Variants in TFB1M observed in about 807,000 individuals in gnomAD.
TFB1M encodes the protein dimethyladenosine transferase 1, mitochondrial.
Under a neutral mutation model 31.1 loss-of-function variants are expected in TFB1M, and 27 were observed. The observed-to-expected ratio is 0.87, with a 90% confidence interval of 0.64 to 1.20. The LOEUF (loss-of-function observed/expected upper bound fraction) is 1.20. Ranked by LOEUF, TFB1M falls within the 50% of genes most tolerant of loss-of-function variation. The probability of loss-of-function intolerance (pLI) is 0.00; values close to 1 mark genes in which losing one functional copy is unlikely to be tolerated. For synonymous variants in TFB1M, 166 were observed against 151.8 expected, an observed-to-expected ratio of 1.09 and a Z score of -0.69; for missense variants, 394 against 418.7, an observed-to-expected ratio of 0.94 and a Z score of 0.51.
At chr6:155,276,340 C>G (rs149570827) in intron 5 of TFB1M, 1 of 1,613,290 alleles carries the variant, frequency 6.2e-7, no homozygotes, top group Non-Finnish European at 8.5e-7. Context: ...ACACACAGCT[C>G]GAGAACAATT....
intron 4 of TFB1M, among the ~76,000 whole-genome samples, chr6:155,285,657 T>C (rs1352253074): frequency 6.6e-6 from 1 of 152,236 alleles, no homozygotes; most frequent in Non-Finnish European, 1.5e-5. Flanking sequence ...GCTTAAACAC[T>C]TAATTTTCTG....
chr6:155,312,526 C>T (rs529308149), intron 1 of TFB1M, among the ~76,000 whole-genome samples: 1 of 152,300 alleles, frequency 6.6e-6, no homozygotes, highest in African/African-American at 2.4e-5. Context: ...TAATACTCTC[C>T]TTCTTTAAAA....
At chr6:155,306,414 G>C (rs1777768257) in intron 2 of TFB1M, among the ~76,000 whole-genome samples, 1 of 152,158 alleles carries the variant, frequency 6.6e-6, no homozygotes, top group African/African-American at 2.4e-5. Flanking sequence ...ACAAACACTT[G>C]CATATGAATG....
At chr6:155,244,603 G>A in the TFB1M span, 1 of 1,584,176 alleles carries the variant, frequency 6.3e-7, no homozygotes, top group Admixed American at 1.8e-5. Flanking sequence ...GAGTTAGCGT[G>A]GTGTCCTGAA....
At chr6:155,300,676 T>C (rs1222017346) in intron 2 of TFB1M, among the ~76,000 whole-genome samples, 1 of 152,240 alleles carries the variant, frequency 6.6e-6, no homozygotes, top group African/African-American at 2.4e-5. Flanking sequence ...AATGTAAATT[T>C]GGCTGTTTGA....
At position 155,285,051 on chromosome 6, in the gene TFB1M, T is replaced by G. The variant is rs878860448; in HGVS notation, c.666+107A>C. On this transcript the variant is annotated intron_variant, in intron 5 of 6. Coordinates refer to ENST00000367166, the MANE Select transcript of TFB1M (RefSeq NM_016020.4). ...TTCAGAAGTAAAGTACAGTGTCAGT[T>G]TGCACATAAACAAAGGTTAGATCCT... 9.8e-6 allele frequency: 14 copies of G among 1,422,788 alleles called. 1 individual carries two copies. In the South Asian group the frequency reaches 1.5e-4, roughly 15 times the overall value. The allele number at this position is 1,422,788 out of a possible 1,614,324, so 88.1% of individuals were successfully genotyped here.
chr6:155,284,851 C>T (rs1415426317), intron 5 of TFB1M, among the ~76,000 whole-genome samples: 1 of 152,004 alleles, frequency 6.6e-6, no homozygotes. Context: ...ATTGGGTGAC[C>T]GTGTAACTTA....
intron 2 of TFB1M, among the ~76,000 whole-genome samples, chr6:155,300,696 AATTTG>A (rs1390203107): frequency 2.0e-5 from 3 of 152,230 alleles, no homozygotes; most frequent in Non-Finnish European, 2.9e-5. Context: ...ACGTTAACTT[AATTTG>A]AAGTGTTAAC....
chr6:155,300,604 C>G (rs1420299953), intron 2 of TFB1M, among the ~76,000 whole-genome samples: 1 of 152,132 alleles, frequency 6.6e-6, no homozygotes, highest in Admixed American at 6.5e-5. Context: ...GCTTAAGTCT[C>G]ATGATGTCAA....
At chr6:155,236,252 C>T in the TFB1M span, among the ~76,000 whole-genome samples, 2 of 151,850 alleles carry the variant, frequency 1.3e-5, no homozygotes, top group East Asian at 3.9e-4. Flanking sequence ...ACAGGTGATC[C>T]CACTGGAGCC....
chr6:155,240,604 G>C, the TFB1M span: 1 of 1,614,036 alleles, frequency 6.2e-7, no homozygotes, highest in Non-Finnish European at 8.5e-7. Context: ...GACCGCGGGA[G>C]AATCAGGATC....
chr6:155,275,965 C>T (rs1785180853), intron 5 of TFB1M: 1 of 1,614,202 alleles, frequency 6.2e-7, no homozygotes, highest in Non-Finnish European at 8.5e-7. Context: ...CTGCGAGAGC[C>T]ACCATGGTCC....
At chr6:155,254,451 T>A, downstream of TFB1M, 1 of 1,613,882 alleles carries the variant, frequency 6.2e-7, no homozygotes, top group East Asian at 2.2e-5. Context: ...ATTGTTAAGG[T>A]GATTCGTTCT....
intron 4 of TFB1M, among the ~76,000 whole-genome samples, chr6:155,289,995 T>C (rs1776833294): frequency 1.3e-5 from 2 of 152,346 alleles, no homozygotes; most frequent in Admixed American, 1.3e-4. Flanking sequence ...TCCCCAGCCA[T>C]GCTTCCTGTA....
chr6:155,251,676 TG>T (rs1486846079), downstream of TFB1M, among the ~76,000 whole-genome samples: 3 of 152,354 alleles, frequency 2.0e-5, no homozygotes, highest in East Asian at 5.8e-4. Context: ...GTCACTGAGA[TG>T]AACACAGTGT....
chr6:155,303,006 A>G (rs905280663), intron 2 of TFB1M, among the ~76,000 whole-genome samples: 1 of 152,186 alleles, frequency 6.6e-6, no homozygotes, highest in Non-Finnish European at 1.5e-5. Flanking sequence ...CACTGATGAG[A>G]TTTGAGTAGG....
the TFB1M span, among the ~76,000 whole-genome samples, chr6:155,241,237 G>A: frequency 6.6e-5 from 10 of 152,290 alleles, no homozygotes; most frequent in Admixed American, 2.6e-4. Context: ...TTGAGTACCC[G>A]AAGAATTCAT....
At chr6:155,248,286 T>A in the TFB1M span, 1 of 1,303,406 alleles carries the variant, frequency 7.7e-7, no homozygotes, top group South Asian at 1.5e-5. Context: ...TAGTGGCACG[T>A]CCTAAGTCAC....
chr6:155,253,428 T>C (rs1447935612), downstream of TFB1M: 1 of 187,222 alleles, frequency 5.3e-6, no homozygotes, highest in Non-Finnish European at 1.1e-5. Flanking sequence ...GTAGGTGATA[T>C]AAAAAGAAAA....
Sources: allele counts gnomAD v4.1 joint callset (sites outside exome capture counted in the v4.1 genomes callset), GRCh38; gene constraint gnomAD v4.1.1; transcripts MANE v1.5; gene names NCBI Gene and HGNC (gene_info 2026-07-23, HGNC 2026-07-21).